The following CCND2 variants were observed in gnomAD, a reference collection of about 807,000 sequenced individuals.
The protein encoded by CCND2 is cyclin D2.
CCND2 carries 6 observed loss-of-function variants against 30.2 expected under a neutral mutation model. That is an observed-to-expected ratio of 0.20 (90% CI 0.11 to 0.39). The LOEUF (loss-of-function observed/expected upper bound fraction) is 0.39, where lower values mean the gene tolerates loss of function less well. Ranked by LOEUF, CCND2 falls within the 10% of genes least tolerant of loss-of-function variation. The pLI, the probability that CCND2 is intolerant of heterozygous loss-of-function variation, is 1.00. For synonymous variants in CCND2, 150 were observed against 153.1 expected, an observed-to-expected ratio of 0.98 and a Z score of 0.15; for missense variants, 235 against 373.4, an observed-to-expected ratio of 0.63 and a Z score of 3.06.
At chr12:4,279,207 C>T (rs1367327458) in intron 3 of CCND2, among the ~76,000 whole-genome samples, 1 of 152,158 alleles carries the variant, frequency 6.6e-6, no homozygotes, top group Non-Finnish European at 1.5e-5. Context: ...CTAAAGTGCT[C>T]TTTGAAGATT....
intron 4 of CCND2, chr12:4,297,760 AACAGGTCGG>A (rs1047336959): frequency 5.6e-6 from 2 of 358,780 alleles, no homozygotes; most frequent in Non-Finnish European, 1.2e-5. Flanking sequence ...CATTCAGCTC[AACAGGTCGG>A]ACAGGGTAAG....
chr12:4,283,262 A>G (rs1336812527), intron 3 of CCND2, among the ~76,000 whole-genome samples: 2 of 152,178 alleles, frequency 1.3e-5, no homozygotes, highest in Non-Finnish European at 2.9e-5. Flanking sequence ...CCTTGGGAGG[A>G]TAAGCCTTTT....
chr12:4,281,182 A>G (rs1369900701), intron 3 of CCND2, among the ~76,000 whole-genome samples: 3 of 152,230 alleles, frequency 2.0e-5, no homozygotes, highest in African/African-American at 7.2e-5. Context: ...AGGGCAGAGC[A>G]CAGGTAGGTC....
At chr12:4,288,735 C>T (rs371741761) in intron 3 of CCND2, 107 bp from the exon 4 acceptor site, 26 of 1,088,056 alleles carry the variant, frequency 2.4e-5, no homozygotes, top group South Asian at 6.1e-5. Context: ...CGGGGTCACT[C>T]GCGCCGCTGA....
rs1353033340 is a variant in CCND2, at chr12:4,300,763, T to TG, written c.*758dup. Reference sequence around the variant, plus strand: ...CAGACACCACCATATTGCTATCTAATGGGGAAATGTAGCTATGGGCCATAA... The same window carrying TG: ...CAGACACCACCATATTGCTATCTAATGGGGGAAATGTAGCTATGGGCCATAA... On this transcript the variant is annotated 3_prime_UTR_variant, in exon 5 of 5. Transcript: ENST00000261254. 1.3e-5 allele frequency: 3 copies of TG among 233,590 alleles called. No individual in the cohort carries two copies. The highest frequency in any genetic ancestry group is 2.5e-5 in the Non-Finnish European group (3 of 118,070). The allele number at this position is 233,590 out of a possible 1,614,324, so 14.5% of individuals were successfully genotyped here. A position where few individuals can be genotyped will look rare whatever the true frequency, so the allele number is the denominator to read the frequency against.
At chr12:4,283,619 C>T (rs1364112095) in intron 3 of CCND2, among the ~76,000 whole-genome samples, 28 of 152,174 alleles carry the variant, frequency 1.8e-4, no homozygotes, top group Admixed American at 1.6e-3. Context: ...CCATCATCAC[C>T]GCCGTCATAA....
At chr12:4,279,881 A>G (rs1024555573) in intron 3 of CCND2, among the ~76,000 whole-genome samples, 11 of 151,438 alleles carry the variant, frequency 7.3e-5, no homozygotes, top group African/African-American at 2.4e-4. Context: ...AAATTTGCCA[A>G]GAGTAGTTAA....
At chr12:4,286,922 T>C (rs1302383452) in intron 3 of CCND2, among the ~76,000 whole-genome samples, 1 of 152,174 alleles carries the variant, frequency 6.6e-6, no homozygotes, top group Admixed American at 6.5e-5. Context: ...CCCGGGCCTT[T>C]GTGGGCCCAG....
At chr12:4,279,544 G>A (rs1018036371) in intron 3 of CCND2, among the ~76,000 whole-genome samples, 2 of 152,184 alleles carry the variant, frequency 1.3e-5, no homozygotes, top group African/African-American at 2.4e-5. Context: ...CTCAGTTCAT[G>A]TGGAGGTGTT....
intron 3 of CCND2, among the ~76,000 whole-genome samples, chr12:4,284,721 C>CT (rs545047517): frequency 0.12 from 17,139 of 144,128 alleles, 1,403 homozygotes; most frequent in East Asian, 0.38. Context: ...AGCCTCCTTT[C>CT]TTTTTTTTTT....
intron 4 of CCND2, among the ~76,000 whole-genome samples, chr12:4,294,553 T>A (rs1864141936): frequency 6.6e-6 from 1 of 152,178 alleles, no homozygotes; most frequent in South Asian, 2.1e-4. Flanking sequence ...GCTCTGTCTC[T>A]TTTTCTTGGA....
At chr12:4,289,301 A>C in intron 4 of CCND2, 1 of 195,130 alleles carries the variant, frequency 5.1e-6, no homozygotes, top group Non-Finnish European at 1.1e-5. Context: ...CCATATTTGT[A>C]CACGCTGCCA....
At chr12:4,289,537 T>G (rs1864069170) in intron 4 of CCND2, among the ~76,000 whole-genome samples, 1 of 152,218 alleles carries the variant, frequency 6.6e-6, no homozygotes. Context: ...CAAAGTGCTT[T>G]CAAAAGACAA....
chr12:4,303,487 T>G lies in CCND2; in HGVS notation c.*3478T>G. 4.3e-6 allele frequency: 1 copy of G among 233,710 alleles called. No homozygotes were observed. The highest frequency in any genetic ancestry group is 8.5e-6 in the Non-Finnish European group (1 of 118,064). 14.5% of individuals were successfully genotyped at this position (233,710 alleles called of 1,614,324 possible). A position where few individuals can be genotyped will look rare whatever the true frequency, so the allele number is the denominator to read the frequency against. On this transcript the variant is annotated 3_prime_UTR_variant, in exon 5 of 5. Coordinates refer to ENST00000261254, the MANE Select transcript of CCND2 (RefSeq NM_001759.4). The surrounding 1 kb of genome is among the most constrained non-coding windows in gnomAD (Gnocchi z 4.6). ...TTATCCTGGTCTTTTTCTACCTTGT[T>G]GTGTTTCTATCTCGTCTTTACTTCC...
Position 4,303,303 on chromosome 12 carries a change from A to C in CCND2, c.*3294A>C, listed in dbSNP as rs557817327. 1 of 233,372 alleles carries C rather than the reference A, an allele frequency of 4.3e-6. No homozygotes were observed. Among genetic ancestry groups the C allele is most frequent in the East Asian group, 6.0e-5 (1 of 16,592 alleles). 14.5% of individuals were successfully genotyped at this position (233,372 alleles called of 1,614,324 possible). On this transcript the variant is annotated 3_prime_UTR_variant, in exon 5 of 5. Transcript: ENST00000261254. The surrounding 1 kb of genome is among the most constrained non-coding windows in gnomAD (Gnocchi z 4.6). Reference sequence around the variant, plus strand: ...CTTTTCTGCCTGCTCCTGCTTAAACACAAGAAGGAATCCTGGATTTTGCCC... The same window carrying C: ...CTTTTCTGCCTGCTCCTGCTTAAACCCAAGAAGGAATCCTGGATTTTGCCC...
At chr12:4,284,804 C>G (rs563727970) in intron 3 of CCND2, among the ~76,000 whole-genome samples, 8 of 145,510 alleles carry the variant, frequency 5.5e-5, no homozygotes, top group African/African-American at 2.1e-4. Context: ...GGCACAATCT[C>G]TGCTCACTGC....
intron 3 of CCND2, among the ~76,000 whole-genome samples, chr12:4,284,951 G>A (rs1157632376): frequency 1.3e-5 from 2 of 152,012 alleles, no homozygotes; most frequent in Non-Finnish European, 2.9e-5. Context: ...GGCCAGACTG[G>A]TCTCGAACTT....
chr12:4,290,372 C>T (rs567093843), intron 4 of CCND2, among the ~76,000 whole-genome samples: 1 of 152,342 alleles, frequency 6.6e-6, no homozygotes, highest in East Asian at 1.9e-4. Context: ...TGAAAACCTC[C>T]CTCCAGTGCA....
rs146122734 is a variant in CCND2 at position 4,274,154 on chromosome 12, T to G, written c.114T>G (p.Leu38=). The change falls in exon 1 of 5, where the codon CTT becomes CTG. Residue 38 remains leucine (L), a synonymous_variant. Transcript: ENST00000261254. The surrounding 1 kb of genome is among the most constrained non-coding windows in gnomAD (Gnocchi z 7.7). ...QNLLTIEERY[L]PQCSYFKCVQ... is the part of the protein sequence containing the mutation. ...TGCTCACCATCGAGGAGCGCTACCT[T>G]CCGCAGTGCTCCTACTTCAAGTGCG... 1.4e-4 allele frequency: 230 copies of G among 1,613,990 alleles called. No homozygotes were observed. In the African/African-American group the frequency reaches 2.5e-3, roughly 18 times the overall value.
Sources: gnomAD v4.1 joint callset for allele counts (sites outside exome capture counted in the v4.1 genomes callset) on GRCh38, gnomAD v4.1.1 for gene constraint, Gnocchi (gnomAD v3.1) non-coding constraint, MANE v1.5 for transcripts, NCBI Gene and HGNC (gene_info 2026-07-23, HGNC 2026-07-21) for gene names.